KIF11: variants seen among roughly 807,000 people sequenced by gnomAD.
KIF11 encodes kinesin family member 11, also known as kinesin-like protein KIF11.
In KIF11, 9 loss-of-function variants were observed where a neutral mutation model predicts 121.0. That is an observed-to-expected ratio of 0.07 (90% CI 0.04 to 0.13). The LOEUF is 0.13. Among genes scored for constraint, KIF11 ranks in the 10% least tolerant of loss-of-function variants. The pLI, the probability that KIF11 is intolerant of heterozygous loss-of-function variation, is 1.00. For synonymous variants in KIF11, 408 were observed against 421.0 expected, an observed-to-expected ratio of 0.97 and a Z score of 0.38; for missense variants, 846 against 1,217.5, an observed-to-expected ratio of 0.69 and a Z score of 4.54.
intron 21 of KIF11, among the ~76,000 whole-genome samples, chr10:92,653,207 A>C (rs1165913738): frequency 2.0e-5 from 3 of 152,176 alleles, no homozygotes; most frequent in Non-Finnish European, 4.4e-5. Context: ...TGGCATTTTA[A>C]ACTGGATAAT....
Position 92,623,607 on chromosome 10 carries a change from A to G in KIF11, c.1217+2134A>G, listed in dbSNP as rs553074441. 2.6e-5 allele frequency among the ~76,000 whole-genome samples: 4 copies of G among 152,346 alleles called. No homozygotes were observed. In the South Asian group the frequency reaches 8.3e-4, roughly 32 times the overall value. On this transcript the variant is annotated intron_variant, in intron 10 of 21. Coordinates refer to ENST00000260731, the MANE Select transcript of KIF11 (RefSeq NM_004523.4). ...CTTAGTTTTTTCTGTGTTACTTCCA[A>G]CTGTCATAATGTATTCCATGAATGT...
intron 16 of KIF11, 126 bp from the exon 17 acceptor site, chr10:92,639,668 T>G: frequency 1.7e-6 from 1 of 585,316 alleles, no homozygotes; most frequent in South Asian, 2.2e-5. Context: ...AAAGTTAACT[T>G]TATCTCTTGT....
chr10:92,651,507 G>GT lies in KIF11; in HGVS notation c.3039+1031dup, dbSNP rs1175303233. On this transcript the variant is annotated intron_variant, in intron 21 of 21. Transcript: ENST00000260731. ...TGTGCCACCATGCCTGGCTAATTTTGTTTTTTTTTTTTTTTTTTTTTTTTT... is the reference window on the plus strand; with the variant it reads ...TGTGCCACCATGCCTGGCTAATTTTGTTTTTTTTTTTTTTTTTTTTTTTTTT... 3.0e-3 allele frequency among the ~76,000 whole-genome samples: 160 copies of GT among 52,912 alleles called. 17 individuals carry two copies. Among genetic ancestry groups the GT allele is most frequent in the Non-Finnish European group, 4.6e-3 (109 of 23,870 alleles). The allele number at this position is 52,912 out of a possible 152,430, so 34.7% of individuals were successfully genotyped here.
chr10:92,614,827 A>G (rs1844536102), intron 8 of KIF11, among the ~76,000 whole-genome samples: 1 of 152,178 alleles, frequency 6.6e-6, no homozygotes, highest in Non-Finnish European at 1.5e-5. Context: ...ACTGTTGCCA[A>G]GGCCGCAGTA....
intron 4 of KIF11, among the ~76,000 whole-genome samples, chr10:92,608,600 G>A (rs1047966083): frequency 2.6e-5 from 4 of 152,054 alleles, no homozygotes; most frequent in South Asian, 2.1e-4. Context: ...CACCAAGTCC[G>A]GCTAATTTTT....
chr10:92,617,879 A>G (rs958167453), intron 9 of KIF11, among the ~76,000 whole-genome samples: 5 of 152,226 alleles, frequency 3.3e-5, no homozygotes, highest in Admixed American at 2.6e-4. Context: ...AGCTGGGACT[A>G]CAGGTGTGCA....
chr10:92,595,632 T>C (rs1020566444), intron 1 of KIF11, among the ~76,000 whole-genome samples: 1 of 152,180 alleles, frequency 6.6e-6, no homozygotes, highest in Non-Finnish European at 1.5e-5. Flanking sequence ...TTCAGTGATA[T>C]TAAATACATA....
chr10:92,630,150 A>G, intron 11 of KIF11, 26 bp from the exon 12 acceptor site: 1 of 1,195,550 alleles, frequency 8.4e-7, no homozygotes, highest in Non-Finnish European at 1.1e-6. Context: ...CAGCCAGCTC[A>G]GCGTTTTTTA....
intron 11 of KIF11, among the ~76,000 whole-genome samples, chr10:92,629,270 C>G (rs1313776128): frequency 4.0e-5 from 6 of 151,764 alleles, no homozygotes; most frequent in Non-Finnish European, 1.5e-5. Context: ...GCGTGAGCCA[C>G]TGCACCCAGC....
chr10:92,639,870 C>A lies in KIF11; in HGVS notation c.2237C>A (p.Pro746Gln). ...GAAAAGTGTGAAAATATACAGAAACCACTTAGTAGTGTCCAGGAAAATATA... is the reference window on the plus strand; with the variant it reads ...GAAAAGTGTGAAAATATACAGAAACAACTTAGTAGTGTCCAGGAAAATATA... ...LEEKCENIQK[P>Q]LSSVQENIQQ... Residue 746 changes from proline (P) to glutamine (Q), a missense_variant, in exon 17 of 22, where the codon CCA becomes CAA. Physicochemically the swap from Pro to Gln is moderately conservative, Grantham distance 76 (BLOSUM62 -1). Transcript: ENST00000260731. 1 of 1,604,530 alleles carries A rather than the reference C, an allele frequency of 6.2e-7. No individual in the cohort carries two copies. Among genetic ancestry groups the A allele is most frequent in the South Asian group, 1.1e-5 (1 of 90,638 alleles).
intron 18 of KIF11, 33 bp downstream of exon 18, chr10:92,645,675 G>T: frequency 1.4e-6 from 2 of 1,461,762 alleles, no homozygotes; most frequent in Non-Finnish European, 1.9e-6. Flanking sequence ...TTACTTTGGG[G>T]AGAATAATAA....
chr10:92,622,024 C>T (rs1409922661), intron 10 of KIF11, among the ~76,000 whole-genome samples: 1 of 152,084 alleles, frequency 6.6e-6, no homozygotes, highest in Non-Finnish European at 1.5e-5. Flanking sequence ...CCTGTGAATC[C>T]CAGCACTTTG....
chr10:92,638,099 T>A (rs1844826033), intron 16 of KIF11, among the ~76,000 whole-genome samples: 1 of 152,212 alleles, frequency 6.6e-6, no homozygotes, highest in African/African-American at 2.4e-5. Context: ...CAAACCATAA[T>A]CTGTAAATAT....
At chr10:92,624,421 G>C (rs117709889) in intron 10 of KIF11, among the ~76,000 whole-genome samples, 1,582 of 151,338 alleles carry the variant, frequency 0.01, 13 homozygotes, top group Non-Finnish European at 0.016. Context: ...AAGTAGAGAT[G>C]GGGTTTCACC....
At chr10:92,633,894 G>A (rs1844765052) in intron 14 of KIF11, 99 bp downstream of exon 14, 2 of 753,782 alleles carry the variant, frequency 2.7e-6, no homozygotes, top group Non-Finnish European at 4.4e-6. Context: ...TATAAACAAT[G>A]TTAACTGCTA....
Position 92,616,739 on chromosome 10 carries a change from A to G in KIF11, c.1035A>G (p.Glu345=). Residue 345 remains glutamate (E), a splice_region_variant and synonymous_variant, in exon 9 of 22, where the codon GAA becomes GAG. Coordinates refer to ENST00000260731, the MANE Select transcript of KIF11 (RefSeq NM_004523.4). The part of the protein sequence containing the change: ...TISPASLNLE[E]TLSTLEYAHR... Reference sequence around the variant, plus strand: ...TTGACCTTTCCTTTCCATGACAGGAAACTCTGAGTACATTGGAATATGCTC... The same window carrying G: ...TTGACCTTTCCTTTCCATGACAGGAGACTCTGAGTACATTGGAATATGCTC... The G allele has an allele frequency of 6.4e-7, 1 of 1,571,494 alleles. No homozygotes were observed. Among genetic ancestry groups the G allele is most frequent in the Non-Finnish European group, 8.7e-7 (1 of 1,146,048 alleles).
At chr10:92,605,180 A>G (rs1334476566) in intron 1 of KIF11, among the ~76,000 whole-genome samples, 1 of 152,212 alleles carries the variant, frequency 6.6e-6, no homozygotes, top group Non-Finnish European at 1.5e-5. Context: ...ATACCTACTC[A>G]GGCATTTCCG....
intron 5 of KIF11, 78 bp from the exon 6 acceptor site, chr10:92,609,301 AGAGTGT>A (rs1255122712): frequency 8.4e-4 from 504 of 600,754 alleles, no homozygotes; most frequent in Middle Eastern, 1.9e-3. Flanking sequence ...AGAGAGAGAG[AGAGTGT>A]GTGTGTGTGT....
Position 92,621,576 on chromosome 10 carries a change from G to A in KIF11, c.1217+103G>A, listed in dbSNP as rs558711340. 2.4e-5 allele frequency: 16 copies of A among 658,850 alleles called. No homozygotes were observed. In the Admixed American group the frequency reaches 2.5e-4, roughly 10 times the overall value. The allele number at this position is 658,850 out of a possible 1,614,324, so 40.8% of individuals were successfully genotyped here. On this transcript the variant is annotated intron_variant, in intron 10 of 21. Coordinates refer to ENST00000260731, the MANE Select transcript of KIF11 (RefSeq NM_004523.4). ...GCAGTAAGTAAAATCTTTATATCCA[G>A]TGCCGATAAATACTTCATTTTGTGT...
Sources: gnomAD v4.1 joint callset for allele counts (sites outside exome capture counted in the v4.1 genomes callset) on GRCh38, gnomAD v4.1.1 for gene constraint, MANE v1.5 for transcripts, NCBI Gene and HGNC (gene_info 2026-07-23, HGNC 2026-07-21) for gene names.